TENM4: variants seen among roughly 807,000 people sequenced by gnomAD.
TENM4 encodes the protein teneurin transmembrane protein 4.
A neutral mutation model predicts 243.3 loss-of-function variants in TENM4; 82 were observed. That is an observed-to-expected ratio of 0.34 (90% confidence interval 0.28 to 0.40). The LOEUF (loss-of-function observed/expected upper bound fraction) is 0.40. Among genes scored for constraint, TENM4 ranks in the 10% least tolerant of loss-of-function variants. TENM4 has a pLI of 1.00. For missense variants in TENM4, 3,138 were observed against 3,673.3 expected, an observed-to-expected ratio of 0.85 and a Z score of 3.77; for synonymous variants, 1,412 against 1,456.3, an observed-to-expected ratio of 0.97 and a Z score of 0.69.
Position 78,668,971 on chromosome 11 carries a change from G to A in TENM4, c.7374C>T (p.Ile2458=). 1.9e-6 allele frequency: 3 copies of A among 1,613,854 alleles called. No individual in the cohort carries two copies. The highest frequency in any genetic ancestry group is 2.5e-6 in the Non-Finnish European group (3 of 1,179,786). The change falls in exon 32 of 34, where the codon ATC becomes ATT. Residue 2458 remains isoleucine, a synonymous_variant. Transcript: ENST00000278550. ...NLYMFKNNNP[I]SNSQDIKCFM... ...AGCACTTGATGTCCTGGGAGTTGCT[G>A]ATGGGGTTGTTGTTTTTGAACATAT...
chr11:78,901,731 C>G, intron 7 of TENM4, among the ~76,000 whole-genome samples: 1 of 152,218 alleles, frequency 6.6e-6, no homozygotes, highest in East Asian at 1.9e-4. Context: ...CTACCCTGGG[C>G]AGGCTGACAC....
rs67750723 is a variant in TENM4, at chr11:79,430,209, G to GA, written c.-321+10299dup. On this transcript the variant is annotated intron_variant, in intron 1 of 33. Coordinates refer to ENST00000278550, the MANE Select transcript of TENM4 (RefSeq NM_001098816.3). ...CTGCGAAAAAAAAAAAAAGAAAAAA[G>GA]AAAAAAAAAAGGAATGTCTGCTTTA... 3.2e-4 allele frequency among the ~76,000 whole-genome samples: 47 copies of GA among 146,702 alleles called. No individual in the cohort carries two copies. In the East Asian group the frequency reaches 3.6e-3, roughly 11 times the overall value.
At chr11:79,066,185 A>C (rs1453191758) in intron 5 of TENM4, among the ~76,000 whole-genome samples, 1 of 152,174 alleles carries the variant, frequency 6.6e-6, no homozygotes, top group Non-Finnish European at 1.5e-5. Flanking sequence ...AAATGGGGAG[A>C]TCCACAGAGT....
At chr11:78,775,118 C>T (rs768440721) in intron 17 of TENM4, among the ~76,000 whole-genome samples, 14 of 152,196 alleles carry the variant, frequency 9.2e-5, no homozygotes, top group Non-Finnish European at 1.5e-4. Context: ...ATATTAAAGG[C>T]TCCAAGAAGT....
In TENM4 at chr11:78,658,117, G is replaced by A. The variant is rs1857939373; in HGVS notation, c.8251C>T (p.Leu2751=). Residue 2751 remains leucine, a synonymous_variant, in exon 34 of 34, where the codon CTG becomes TTG. Transcript: ENST00000278550. ...FVISVEQYPE[L]SDSANNIHFM... Reference sequence around the variant, plus strand: ...TGGATGTTGTTGGCGCTGTCTGACAGTTCTGGGTACTGCTCGACAGAGATC... The same window carrying A: ...TGGATGTTGTTGGCGCTGTCTGACAATTCTGGGTACTGCTCGACAGAGATC... 1 of 1,614,042 alleles carries A rather than the reference G, an allele frequency of 6.2e-7. No individual in the cohort carries two copies. The highest frequency in any genetic ancestry group is 8.5e-7 in the Non-Finnish European group (1 of 1,179,904).
chr11:79,390,114 T>C (rs1858201235), intron 1 of TENM4, among the ~76,000 whole-genome samples: 1 of 151,804 alleles, frequency 6.6e-6, no homozygotes, highest in Non-Finnish European at 1.5e-5. Flanking sequence ...TACAGAGCAG[T>C]GGAATGAAGG....
rs114921051 is a variant in TENM4 at position 78,727,113 on chromosome 11, T to C, written c.3407-891A>G. Among the ~76,000 whole-genome samples the C allele has an allele frequency of 6.9e-3, 1,048 of 152,306 alleles. 15 individuals carry two copies. The highest frequency in any genetic ancestry group is 0.025 in the African/African-American group (1,019 of 41,546). ...GACCTGGGAAATGCTTATGGAGCAA[T>C]GCTCAGTTGAAAAGACTGGTTATAT... On this transcript the variant is annotated intron_variant, in intron 22 of 33. Transcript: ENST00000278550.
At chr11:79,021,086 T>A (rs1858915089) in intron 6 of TENM4, among the ~76,000 whole-genome samples, 1 of 152,126 alleles carries the variant, frequency 6.6e-6, no homozygotes. Context: ...TCAACAAATG[T>A]TTGGTGGATT....
At chr11:79,124,666 TG>T (rs1861826762) in intron 4 of TENM4, among the ~76,000 whole-genome samples, 1 of 149,868 alleles carries the variant, frequency 6.7e-6, no homozygotes, top group Non-Finnish European at 1.5e-5. Flanking sequence ...TGTGTGTGTG[TG>T]TGTGTGTGTA....
At chr11:79,107,718 A>G (rs1861407488) in intron 4 of TENM4, among the ~76,000 whole-genome samples, 2 of 152,222 alleles carry the variant, frequency 1.3e-5, no homozygotes, top group South Asian at 4.1e-4. Context: ...TGAGGCATGG[A>G]TGTGTCTAAT....
intron 4 of TENM4, chr11:79,093,172 G>A (rs1212678282): frequency 1.3e-5 from 2 of 152,170 alleles, no homozygotes; most frequent in Admixed American, 6.5e-5. Flanking sequence ...TTTGGCTAAG[G>A]CAATCAAGAC....
chr11:79,218,216 G>T (rs1864089896), intron 2 of TENM4, among the ~76,000 whole-genome samples: 3 of 147,268 alleles, frequency 2.0e-5, no homozygotes, highest in Admixed American at 7.0e-5. Context: ...TTGTTCATTA[G>T]AAGTTTACCC....
intron 7 of TENM4, among the ~76,000 whole-genome samples, chr11:78,896,721 T>C (rs1332182998): frequency 6.6e-6 from 1 of 152,118 alleles, no homozygotes; most frequent in Admixed American, 6.5e-5. Flanking sequence ...GAAGCTATTT[T>C]GAACAATCAG....
At chr11:79,038,303 G>A (rs1419616259) in intron 6 of TENM4, among the ~76,000 whole-genome samples, 1 of 152,142 alleles carries the variant, frequency 6.6e-6, no homozygotes, top group African/African-American at 2.4e-5. Flanking sequence ...ATGCCTCCCA[G>A]GTGCTTCAAA....
chr11:79,332,206 C>T (rs921753194), intron 1 of TENM4, among the ~76,000 whole-genome samples: 7 of 152,162 alleles, frequency 4.6e-5, no homozygotes, highest in Non-Finnish European at 1.0e-4. Flanking sequence ...TAGCCCAATG[C>T]CAGAAGCCAA....
At chr11:78,997,965 G>C (rs1249145914) in intron 6 of TENM4, among the ~76,000 whole-genome samples, 2 of 152,144 alleles carry the variant, frequency 1.3e-5, no homozygotes, top group Non-Finnish European at 2.9e-5. Flanking sequence ...ATACACCGAG[G>C]AAAGGCCATG....
chr11:78,976,063 T>C (rs905582015), intron 6 of TENM4, among the ~76,000 whole-genome samples: 5 of 152,174 alleles, frequency 3.3e-5, no homozygotes, highest in African/African-American at 1.2e-4. Flanking sequence ...ATAACCTTAA[T>C]AAATAATAGT....
At chr11:78,939,053 G>C (rs1450065697) in intron 6 of TENM4, among the ~76,000 whole-genome samples, 2 of 152,130 alleles carry the variant, frequency 1.3e-5, no homozygotes, top group Non-Finnish European at 2.9e-5. Flanking sequence ...CTCCCATCTG[G>C]GGGCTTGATT....
At chr11:78,938,448 A>C (rs1856830073) in intron 6 of TENM4, among the ~76,000 whole-genome samples, 2 of 152,164 alleles carry the variant, frequency 1.3e-5, no homozygotes, top group South Asian at 4.1e-4. Flanking sequence ...TCTTCTCTGC[A>C]TTCCTCCTAG....
Sources: gnomAD v4.1 joint callset for allele counts (sites outside exome capture counted in the v4.1 genomes callset) on GRCh38, gnomAD v4.1.1 for gene constraint, MANE v1.5 for transcripts, NCBI Gene and HGNC (gene_info 2026-07-23, HGNC 2026-07-21) for gene names.